MFNG: variants seen among roughly 807,000 people sequenced by gnomAD.
The protein encoded by MFNG is beta-1,3-N-acetylglucosaminyltransferase manic fringe.
In MFNG, 24 loss-of-function variants were observed where a neutral mutation model predicts 34.2. That is an observed-to-expected ratio of 0.70 (90% CI 0.51 to 0.99). The LOEUF (loss-of-function observed/expected upper bound fraction) is 0.99, where lower values mean the gene tolerates loss of function less well. Ranked by LOEUF, MFNG falls within the 50% of genes least tolerant of loss-of-function variation. The probability of loss-of-function intolerance (pLI) is 0.00; values close to 1 mark genes in which losing one functional copy is unlikely to be tolerated. For missense variants in MFNG, 383 were observed against 424.0 expected (o/e 0.90, Z 0.85); for synonymous variants, 158 against 179.2 (o/e 0.88, Z 0.94).
intron 6 of MFNG, among the ~76,000 whole-genome samples, chr22:37,473,130 G>A (rs1921884393): frequency 6.6e-6 from 1 of 152,128 alleles, no homozygotes; most frequent in Non-Finnish European, 1.5e-5. Flanking sequence ...TGACTACTGT[G>A]AGGAACCAGA....
At chr22:37,471,203 C>T (rs2145724827) in intron 7 of MFNG, among the ~76,000 whole-genome samples, 1 of 152,342 alleles carries the variant, frequency 6.6e-6, no homozygotes, top group African/African-American at 2.4e-5. Context: ...CCCTCCTCTA[C>T]TCGTTACCTC....
Position 37,476,928 on chromosome 22 carries a change from G to C in MFNG, c.615C>G (p.Arg205=). ...ACGGAGCCATCTTCAAAGCCAGTTT[G>C]CGATTGATGCAGAAGCCAGCACCCC... ...ATGGAGFCIN[R]KLALKMAPWA... Residue 205 remains arginine, a synonymous_variant, in exon 5 of 8, where the codon CGC becomes CGG. Transcript: ENST00000356998. 1 of 1,610,148 alleles carries C rather than the reference G, an allele frequency of 6.2e-7. No individual in the cohort carries two copies. Among genetic ancestry groups the C allele is most frequent in the Non-Finnish European group, 8.5e-7 (1 of 1,177,828 alleles).
In MFNG at chr22:37,480,194, C is replaced by T. The variant is rs749522924; in HGVS notation, c.407+3G>A. On this transcript the variant is annotated splice_donor_region_variant and intron_variant, in intron 3 of 7. Coordinates refer to ENST00000356998, the MANE Select transcript of MFNG (RefSeq NM_002405.4). Reference sequence around the variant, plus strand: ...TTATCCCCAGAGACCCAGGAACACTCGCCTAAGCCCACTGGCCAAGAAGGT... The same window carrying T: ...TTATCCCCAGAGACCCAGGAACACTTGCCTAAGCCCACTGGCCAAGAAGGT... 2 of 1,603,232 alleles carry T rather than the reference C, an allele frequency of 1.2e-6. No individual in the cohort carries two copies. The highest frequency in any genetic ancestry group is 1.7e-6 in the Non-Finnish European group (2 of 1,171,414).
chr22:37,471,830 CAAAAAAAA>C (rs913243094), intron 7 of MFNG, among the ~76,000 whole-genome samples: 1 of 35,494 alleles, frequency 2.8e-5, no homozygotes, highest in African/African-American at 1.2e-4. Flanking sequence ...GGCTCCATCT[CAAAAAAAA>C]AAAAAAAAAA....
At chr22:37,476,272 G>A (rs1467207013) in intron 5 of MFNG, among the ~76,000 whole-genome samples, 1 of 151,590 alleles carries the variant, frequency 6.6e-6, no homozygotes. Flanking sequence ...CCACACTGCG[G>A]CCTCCACTAC....
chr22:37,486,292 T>A lies in MFNG; in HGVS notation c.-115A>T. On this transcript the variant is annotated 5_prime_UTR_variant, in exon 1 of 8. Coordinates refer to ENST00000356998, the MANE Select transcript of MFNG (RefSeq NM_002405.4). ...CAAAAGTCTGGCAGGCATCAGGGGCTGGCAAGGAGGGAAGAGGTAGGAGCT... is the reference window on the plus strand; with the variant it reads ...CAAAAGTCTGGCAGGCATCAGGGGCAGGCAAGGAGGGAAGAGGTAGGAGCT... The A allele has an allele frequency of 8.1e-7, 1 of 1,236,020 alleles. No homozygotes were observed. The highest frequency in any genetic ancestry group is 1.1e-6 in the Non-Finnish European group (1 of 928,712). The allele number at this position is 1,236,020 out of a possible 1,614,324, so 76.6% of individuals were successfully genotyped here. A position where few individuals can be genotyped will look rare whatever the true frequency, so the allele number is the denominator to read the frequency against.
intron 4 of MFNG, among the ~76,000 whole-genome samples, chr22:37,479,113 G>A (rs1202902604): frequency 6.6e-6 from 1 of 152,202 alleles, no homozygotes; most frequent in East Asian, 1.9e-4. Context: ...CCTGGGGGAT[G>A]GAGGCCTCAC....
intron 3 of MFNG, 75 bp from the exon 4 acceptor site, chr22:37,479,573 G>A (rs890085600): frequency 1.0e-5 from 16 of 1,570,568 alleles, no homozygotes; most frequent in Middle Eastern, 1.7e-4. Context: ...CCCCACAGTC[G>A]GTCAACAGTG....
chr22:37,479,028 T>TG (rs1366063810), intron 4 of MFNG, among the ~76,000 whole-genome samples: 1 of 152,196 alleles, frequency 6.6e-6, no homozygotes, highest in African/African-American at 2.4e-5. Flanking sequence ...ACCAGGTGAC[T>TG]GGGAGCCCTG....
At chr22:37,475,909 A>G (rs1922015840) in intron 5 of MFNG, among the ~76,000 whole-genome samples, 1 of 152,220 alleles carries the variant, frequency 6.6e-6, no homozygotes, top group South Asian at 2.1e-4. Flanking sequence ...GCTCTTGTCC[A>G]GTATGAATTG....
intron 4 of MFNG, 58 bp from the exon 5 acceptor site, chr22:37,477,039 G>T: frequency 6.8e-7 from 1 of 1,466,598 alleles, no homozygotes. Flanking sequence ...TGGGGAAAAG[G>T]GACAGCCAGG....
At chr22:37,474,252 G>C (rs376281115) in intron 6 of MFNG, among the ~76,000 whole-genome samples, 3 of 152,162 alleles carry the variant, frequency 2.0e-5, no homozygotes, top group African/African-American at 7.2e-5. Context: ...GTCCTTCCCG[G>C]CATTTGAGGA....
intron 4 of MFNG, among the ~76,000 whole-genome samples, chr22:37,478,078 T>C (rs544665783): frequency 1.3e-5 from 2 of 152,212 alleles, no homozygotes; most frequent in East Asian, 1.9e-4. Context: ...ACCCCCTGGC[T>C]CCCCTGGAAT....
chr22:37,479,077 CTGAG>C (rs1922166698), intron 4 of MFNG, among the ~76,000 whole-genome samples: 1 of 152,212 alleles, frequency 6.6e-6, no homozygotes, highest in Admixed American at 6.5e-5. Flanking sequence ...TGGATGCTCC[CTGAG>C]TGACCAGGAC....
chr22:37,482,108 G>T lies in MFNG; in HGVS notation c.256-1339C>A, dbSNP rs1365686304. Reference sequence around the variant, plus strand: ...GAGGCCGGGAGCCAGGTTTGACACAGGAAGGGGCAGGAGGGAGCCAGGCTA... The same window carrying T: ...GAGGCCGGGAGCCAGGTTTGACACATGAAGGGGCAGGAGGGAGCCAGGCTA... On this transcript the variant is annotated intron_variant, in intron 1 of 7. Transcript: ENST00000356998. This position sits in a 1 kb window ranked among gnomAD's most constrained non-coding sequence, Gnocchi z 4.1. 6.6e-6 allele frequency among the ~76,000 whole-genome samples: 1 copy of T among 152,210 alleles called. No individual in the cohort carries two copies. The highest frequency in any genetic ancestry group is 1.5e-5 in the Non-Finnish European group (1 of 68,032).
intron 1 of MFNG, chr22:37,481,075 ACACACACACACAAT>A: frequency 2.7e-6 from 1 of 368,390 alleles, no homozygotes. Context: ...CTCTTCTATC[ACACACACACACAAT>A]CACACACACA....
intron 4 of MFNG, among the ~76,000 whole-genome samples, chr22:37,478,282 C>T (rs1306504688): frequency 6.6e-6 from 1 of 152,304 alleles, no homozygotes; most frequent in East Asian, 1.9e-4. Context: ...GAGGGACCTC[C>T]CGATCTGCCT....
At chr22:37,474,360 C>G (rs1363473870) in intron 6 of MFNG, 152 bp downstream of exon 6, 3 of 886,958 alleles carry the variant, frequency 3.4e-6, no homozygotes, top group Admixed American at 2.7e-5. Context: ...CTTTGCCACC[C>G]TAGGCCTCAG....
In MFNG at chr22:37,469,548, T is replaced by G; in HGVS notation, c.*415A>C. The G allele has an allele frequency of 3.0e-6, 1 of 328,698 alleles. No individual in the cohort carries two copies. The highest frequency in any genetic ancestry group is 2.2e-5 in the African/African-American group (1 of 46,300). The allele number at this position is 328,698 out of a possible 1,614,324, so 20.4% of individuals were successfully genotyped here. ...GGGACACAGATGAGGGAGGCAGGAG[T>G]GGGCGGCCCAGCGCTTGAGCCCCAG... On this transcript the variant is annotated 3_prime_UTR_variant, in exon 8 of 8. Transcript: ENST00000356998.
Sources: gnomAD v4.1 joint callset for allele counts (sites outside exome capture counted in the v4.1 genomes callset) on GRCh38, gnomAD v4.1.1 for gene constraint, Gnocchi (gnomAD v3.1) non-coding constraint, MANE v1.5 for transcripts, NCBI Gene and HGNC (gene_info 2026-07-23, HGNC 2026-07-21) for gene names.